Variants in KIAA1217 observed in about 807,000 individuals in gnomAD.
The protein encoded by KIAA1217 is KIAA1217.
Under a neutral mutation model 163.9 loss-of-function variants are expected in KIAA1217, and 88 were observed. The ratio of observed to expected loss-of-function variants is 0.54; its 90% confidence interval spans 0.45 to 0.64. KIAA1217 has a LOEUF of 0.64. Ranked by LOEUF, KIAA1217 falls within the 30% of genes least tolerant of loss-of-function variation. The pLI, the probability that KIAA1217 is intolerant of heterozygous loss-of-function variation, is 0.00. For synonymous variants in KIAA1217, 903 were observed against 923.1 expected (o/e 0.98, Z 0.39); for missense variants, 2,372 against 2,475.0 (o/e 0.96, Z 0.88).
At chr10:24,197,611 T>A (rs1224571125) in intron 2 of KIAA1217, among the ~76,000 whole-genome samples, 1 of 152,244 alleles carries the variant, frequency 6.6e-6, no homozygotes, top group Non-Finnish European at 1.5e-5. Context: ...TGCAATTTAA[T>A]TTCTACATCC....
chr10:24,201,287 C>T (rs940122901), intron 2 of KIAA1217, among the ~76,000 whole-genome samples: 1 of 152,034 alleles, frequency 6.6e-6, no homozygotes, highest in Admixed American at 6.6e-5. Flanking sequence ...CAAAAAAATT[C>T]GTTGCACCTT....
chr10:24,154,863 G>T (rs1287749013), intron 2 of KIAA1217, among the ~76,000 whole-genome samples: 1 of 151,068 alleles, frequency 6.6e-6, no homozygotes, highest in East Asian at 2.0e-4. Flanking sequence ...GGAGGCAAAG[G>T]TTGCAGTGAG....
intron 2 of KIAA1217, among the ~76,000 whole-genome samples, chr10:24,060,144 A>G (rs572127177): frequency 2.7e-5 from 4 of 150,802 alleles, no homozygotes; most frequent in Non-Finnish European, 5.9e-5. Flanking sequence ...TCTTAATCTC[A>G]TTGATTTTTT....
intron 9 of KIAA1217, among the ~76,000 whole-genome samples, chr10:24,511,192 A>G (rs547557986): frequency 7.2e-6 from 1 of 139,542 alleles, no homozygotes; most frequent in Non-Finnish European, 1.5e-5. Flanking sequence ...GCCCCTATGA[A>G]GAACTGAAAT....
chr10:24,543,094 C>T lies in KIAA1217; in HGVS notation c.3824C>T (p.Pro1275Leu). The change falls in exon 19 of 21, where the codon CCA (proline) becomes CTA (leucine). Residue 1275 changes from proline (P) to leucine (L), a missense_variant. This residue lies in a region of KIAA1217 where 251 missense variants were observed against 327.3 expected (regional missense o/e 0.77). Coordinates refer to ENST00000376454, the MANE Select transcript of KIAA1217 (RefSeq NM_019590.5). Reference protein sequence around the residue: ...KASFGFSGISPLEDEINKGSK... With the variant: ...KASFGFSGISLLEDEINKGSK... ...AGTTTCGGTTTCTCTGGCATTAGTCCATTAGAAGATGAAATAAACAAAGGG... is the reference window on the plus strand; with the variant it reads ...AGTTTCGGTTTCTCTGGCATTAGTCTATTAGAAGATGAAATAAACAAAGGG... The T allele has an allele frequency of 6.2e-7, 1 of 1,613,348 alleles. No homozygotes were observed. The highest frequency in any genetic ancestry group is 1.1e-5 in the South Asian group (1 of 91,040).
intron 1 of KIAA1217, among the ~76,000 whole-genome samples, chr10:23,851,462 A>G (rs1375821843): frequency 6.6e-6 from 1 of 152,118 alleles, no homozygotes; most frequent in Non-Finnish European, 1.5e-5. Context: ...GAATAGTGCC[A>G]CAATAAACAT....
At chr10:24,098,448 C>T (rs747953278) in intron 2 of KIAA1217, among the ~76,000 whole-genome samples, 2 of 152,112 alleles carry the variant, frequency 1.3e-5, no homozygotes, top group Non-Finnish European at 2.9e-5. Flanking sequence ...TAAAAGCTCA[C>T]TGAGGCTCTA....
At chr10:23,884,818 T>TA (rs1487016301) in intron 1 of KIAA1217, among the ~76,000 whole-genome samples, 1 of 151,934 alleles carries the variant, frequency 6.6e-6, no homozygotes, top group Non-Finnish European at 1.5e-5. Context: ...GCAACTTGCT[T>TA]ACTAGTTTCC....
intron 1 of KIAA1217, among the ~76,000 whole-genome samples, chr10:23,985,916 G>A (rs1269522913): frequency 2.0e-5 from 3 of 152,168 alleles, no homozygotes; most frequent in Non-Finnish European, 4.4e-5. Context: ...ACTCCAAATC[G>A]ATGGATGCAG....
intron 1 of KIAA1217, among the ~76,000 whole-genome samples, chr10:23,918,733 T>TATACACACACACACACACAC (rs769797460): frequency 1.4e-5 from 2 of 147,478 alleles, no homozygotes; most frequent in African/African-American, 5.0e-5. Context: ...ATTAAATATA[T>TATACACACACACACACACAC]ACACACACAC....
chr10:24,330,965 A>T (rs754273277), intron 2 of KIAA1217, among the ~76,000 whole-genome samples: 1 of 151,882 alleles, frequency 6.6e-6, no homozygotes, highest in Non-Finnish European at 1.5e-5. Flanking sequence ...ATTTTTTGAG[A>T]CAGGGTCTCA....
chr10:24,406,232 AT>A (rs1473319280), intron 3 of KIAA1217, among the ~76,000 whole-genome samples: 34 of 152,346 alleles, frequency 2.2e-4, no homozygotes, highest in African/African-American at 7.2e-4. Context: ...TAGAAATGAA[AT>A]TTTTGACATT....
rs138623914 is a variant in KIAA1217 at position 24,203,734 on chromosome 10, C to A, written c.-170-15892C>A. ...CCAGGTGCTTGTATCTGTAGAAGCT[C>A]TCATATTCTCGTGGATTCCACCCTG... On this transcript the variant is annotated intron_variant, in intron 2 of 18. Transcript: ENST00000376462. 1.1e-3 allele frequency among the ~76,000 whole-genome samples: 174 copies of A among 152,296 alleles called. 1 individual carries two copies. The Middle Eastern group carries it at 0.014, about 12-fold the overall frequency.
chr10:24,193,291 C>A (rs909420458), intron 2 of KIAA1217, among the ~76,000 whole-genome samples: 2 of 152,180 alleles, frequency 1.3e-5, no homozygotes, highest in African/African-American at 4.8e-5. Flanking sequence ...AGATACAAAT[C>A]TTATAACTCT....
intron 1 of KIAA1217, among the ~76,000 whole-genome samples, chr10:23,776,701 G>A (rs762451568): frequency 6.4e-5 from 7 of 109,114 alleles, no homozygotes; most frequent in Admixed American, 1.1e-4. Flanking sequence ...TTTTTTTTGC[G>A]ACAGAGTCTT....
intron 1 of KIAA1217, among the ~76,000 whole-genome samples, chr10:23,724,500 C>T (rs1333599708): frequency 6.6e-6 from 1 of 151,816 alleles, no homozygotes; most frequent in African/African-American, 2.4e-5. Flanking sequence ...TTATCTTTTT[C>T]AAAAGATATT....
chr10:24,019,020 T>C (rs1434244715), intron 2 of KIAA1217, among the ~76,000 whole-genome samples: 2 of 151,844 alleles, frequency 1.3e-5, no homozygotes, highest in Non-Finnish European at 2.9e-5. Context: ...AAGCAGAGAG[T>C]AGAATGGTGG....
chr10:24,547,385 A>G lies in KIAA1217; in HGVS notation c.*1061A>G, dbSNP rs1307452553. 6.5e-6 allele frequency: 1 copy of G among 152,674 alleles called. No homozygotes were observed. 9.5% of individuals were successfully genotyped at this position (152,674 alleles called of 1,614,324 possible). A position where few individuals can be genotyped will look rare whatever the true frequency, so the allele number is the denominator to read the frequency against. On this transcript the variant is annotated 3_prime_UTR_variant, in exon 21 of 21. Coordinates refer to ENST00000376454, the MANE Select transcript of KIAA1217 (RefSeq NM_019590.5). ...TAAAAAGCAACAAGTTTGCACAGCT[A>G]GAGTGTTTTTGTAAATAAATGTATT...
chr10:24,351,424 T>C (rs932307817), intron 2 of KIAA1217, among the ~76,000 whole-genome samples: 4 of 152,188 alleles, frequency 2.6e-5, no homozygotes, highest in African/African-American at 9.7e-5. Flanking sequence ...CCAAGGTCAG[T>C]GTTCATGCGT....
Sources: gnomAD v4.1 joint callset for allele counts (sites outside exome capture counted in the v4.1 genomes callset) on GRCh38, gnomAD v4.1.1 for gene constraint, gnomAD v4.1.1 regional missense constraint, MANE v1.5 for transcripts, NCBI Gene and HGNC (gene_info 2026-07-23, HGNC 2026-07-21) for gene names.